Variants in AGBL4 observed in about 807,000 individuals in gnomAD.
AGBL4 encodes cytosolic carboxypeptidase 6.
AGBL4 carries 58 observed loss-of-function variants against 66.4 expected under a neutral mutation model. The ratio of observed to expected loss-of-function variants is 0.87; its 90% CI spans 0.71 to 1.09. The LOEUF (loss-of-function observed/expected upper bound fraction) is 1.09, where lower values mean the gene tolerates loss of function less well. Ranked by LOEUF, AGBL4 falls within the 50% of genes least tolerant of loss-of-function variation. The pLI, the probability that AGBL4 is intolerant of heterozygous loss-of-function variation, is 0.00. For synonymous variants in AGBL4, 234 were observed against 222.9 expected (o/e 1.05, Z -0.44); for missense variants, 579 against 631.0 (o/e 0.92, Z 0.88).
rs6665393 is a variant in AGBL4, at chr1:49,199,222, A to G, written c.377+46548T>C. ...AGGTTACACAACTTACAAGAGCTAA[A>G]AATGACAGAATACAGAGTTGAACCT... is the stretch of plus-strand genomic sequence containing the variant. On this transcript the variant is annotated intron_variant, in intron 4 of 13. Coordinates refer to ENST00000371839, the MANE Select transcript of AGBL4 (RefSeq NM_032785.4). Among the ~76,000 whole-genome samples the G allele has an allele frequency of 9.8e-3, 1,499 of 152,320 alleles. 18 individuals carry two copies. Among genetic ancestry groups the G allele is most frequent in the African/African-American group, 0.034 (1,430 of 41,574 alleles).
At chr1:48,670,219 G>C (rs1646255337) in intron 6 of AGBL4, among the ~76,000 whole-genome samples, 1 of 152,170 alleles carries the variant, frequency 6.6e-6, no homozygotes, top group Non-Finnish European at 1.5e-5. Context: ...AAAGCAGTAA[G>C]GGTGCCTCTG....
At chr1:49,390,449 G>A (rs914201648) in intron 3 of AGBL4, among the ~76,000 whole-genome samples, 1 of 152,144 alleles carries the variant, frequency 6.6e-6, no homozygotes, top group African/African-American at 2.4e-5. Flanking sequence ...TAATAATGAA[G>A]GAGACATACT....
chr1:49,660,682 C>A (rs1646251550), intron 3 of AGBL4, among the ~76,000 whole-genome samples: 1 of 152,090 alleles, frequency 6.6e-6, no homozygotes, highest in Non-Finnish European at 1.5e-5. Flanking sequence ...TTCACAATAA[C>A]AAAGATGTGC....
chr1:48,821,619 C>T (rs191615543), intron 6 of AGBL4, among the ~76,000 whole-genome samples: 1 of 152,064 alleles, frequency 6.6e-6, no homozygotes, highest in East Asian at 1.9e-4. Context: ...GGAGGGGGAA[C>T]GTTAAAAAAT....
intron 4 of AGBL4, among the ~76,000 whole-genome samples, chr1:49,196,510 T>A (rs541072441): frequency 2.8e-4 from 43 of 152,250 alleles, no homozygotes; most frequent in Non-Finnish European, 5.6e-4. Flanking sequence ...ATTTCAGAAT[T>A]TCTTTTGGTT....
At chr1:49,470,169 T>C (rs1646712529) in intron 3 of AGBL4, among the ~76,000 whole-genome samples, 1 of 151,992 alleles carries the variant, frequency 6.6e-6, no homozygotes, top group Admixed American at 6.6e-5. Context: ...GATGAAACAC[T>C]TTTCCAGAAA....
chr1:48,624,939 G>T (rs1459785001), intron 9 of AGBL4, among the ~76,000 whole-genome samples: 1 of 149,626 alleles, frequency 6.7e-6, no homozygotes, highest in Admixed American at 6.7e-5. Flanking sequence ...ACAGTGTCTT[G>T]CTCTATTGCC....
rs372359785 is a variant in AGBL4 at position 48,736,438 on chromosome 1, G to A, written c.635-73197C>T. The A allele has an allele frequency of 6.6e-5, 107 of 1,613,902 alleles. No individual in the cohort carries two copies. The highest frequency in any genetic ancestry group is 1.3e-4 in the East Asian group (6 of 44,890). ...ATTTCTCCTCATCAACCCAAATCCC[G>A]CTTCCCAGATGGACCTGAGAGGAAT... On this transcript the variant is annotated intron_variant, in intron 6 of 13. Coordinates refer to ENST00000371839, the MANE Select transcript of AGBL4 (RefSeq NM_032785.4). The surrounding 1 kb of genome is among the most constrained non-coding windows in gnomAD (Gnocchi z 4.0).
intron 3 of AGBL4, among the ~76,000 whole-genome samples, chr1:49,399,002 C>T (rs1027159146): frequency 2.0e-5 from 3 of 152,080 alleles, no homozygotes; most frequent in Non-Finnish European, 2.9e-5. Context: ...CCCTACTACC[C>T]TTCTGAGCCT....
chr1:48,552,529 CAT>C (rs1644264301), intron 11 of AGBL4, among the ~76,000 whole-genome samples: 1 of 152,214 alleles, frequency 6.6e-6, no homozygotes, highest in Non-Finnish European at 1.5e-5. Context: ...GTACTATTGA[CAT>C]GTTTGGCTAA....
chr1:48,746,292 C>T lies in AGBL4; in HGVS notation c.635-83051G>A, dbSNP rs538846918. Among the ~76,000 whole-genome samples, 5 of 152,218 alleles carry T rather than the reference C, an allele frequency of 3.3e-5. No homozygotes were observed. The East Asian group carries it at 7.7e-4, about 24-fold the overall frequency. On this transcript the variant is annotated intron_variant, in intron 6 of 13. Transcript: ENST00000371839. Reference sequence around the variant, plus strand: ...CACTCCCACACAAGTTACACTTGTGCGCTTAAGTTCGTCTCTACTAAAGCA... The same window carrying T: ...CACTCCCACACAAGTTACACTTGTGTGCTTAAGTTCGTCTCTACTAAAGCA...
intron 3 of AGBL4, among the ~76,000 whole-genome samples, chr1:49,491,810 G>GTA (rs1647189710): frequency 6.6e-6 from 1 of 151,896 alleles, no homozygotes; most frequent in African/African-American, 2.4e-5. Flanking sequence ...ATGCAATATA[G>GTA]TAGTCTCCTC....
At chr1:48,996,005 G>A (rs978971207) in intron 5 of AGBL4, among the ~76,000 whole-genome samples, 3 of 152,136 alleles carry the variant, frequency 2.0e-5, no homozygotes, top group Non-Finnish European at 4.4e-5. Context: ...TTATGGCAGA[G>A]GATATGGAGG....
At chr1:49,995,904 C>T (rs1411080056) in intron 1 of AGBL4, 1 of 152,274 alleles carries the variant, frequency 6.6e-6, no homozygotes, top group Non-Finnish European at 1.5e-5. Context: ...GCAGACACTC[C>T]CCAGTACCAG....
intron 3 of AGBL4, among the ~76,000 whole-genome samples, chr1:49,251,341 C>T (rs535568430): frequency 1.1e-4 from 17 of 152,308 alleles, no homozygotes; most frequent in African/African-American, 3.8e-4. Flanking sequence ...CCCTTCCACA[C>T]ATAAAGTGCA....
rs542328710 is a variant in AGBL4 at position 49,941,087 on chromosome 1, A to T, written c.34+82676T>A. Reference sequence around the variant, plus strand: ...TGTAGGAGAAACTGGTAATCCCTAGACATATACAACCTACCTAATAACTGA... The same window carrying T: ...TGTAGGAGAAACTGGTAATCCCTAGTCATATACAACCTACCTAATAACTGA... On this transcript the variant is annotated intron_variant, in intron 1 of 13. Transcript: ENST00000371839. 2.6e-5 allele frequency among the ~76,000 whole-genome samples: 4 copies of T among 152,270 alleles called. No homozygotes were observed. The East Asian group carries it at 7.7e-4, about 29-fold the overall frequency.
chr1:49,563,369 G>A (rs1644104399), intron 3 of AGBL4, among the ~76,000 whole-genome samples: 1 of 152,094 alleles, frequency 6.6e-6, no homozygotes, highest in African/African-American at 2.4e-5. Flanking sequence ...GTGAGAGACG[G>A]CATCCCTGTC....
chr1:49,809,907 C>T (rs903028709), intron 2 of AGBL4, among the ~76,000 whole-genome samples: 1 of 152,130 alleles, frequency 6.6e-6, no homozygotes, highest in Non-Finnish European at 1.5e-5. Flanking sequence ...TGTAATTTTT[C>T]AAACACCTGT....
chr1:48,837,687 C>T (rs1174663224), intron 6 of AGBL4, among the ~76,000 whole-genome samples: 4 of 124,234 alleles, frequency 3.2e-5, no homozygotes, highest in South Asian at 5.4e-4. Context: ...CACACACACA[C>T]GCACACACAC....
Sources: gnomAD v4.1 joint callset for allele counts (sites outside exome capture counted in the v4.1 genomes callset) on GRCh38, gnomAD v4.1.1 for gene constraint, Gnocchi (gnomAD v3.1) non-coding constraint, MANE v1.5 for transcripts, NCBI Gene and HGNC (gene_info 2026-07-23, HGNC 2026-07-21) for gene names.